Variants in ATP2C1 observed in about 807,000 individuals in gnomAD.
ATP2C1 encodes the protein ATPase secretory pathway Ca2+ transporting 1, also known as calcium-transporting ATPase type 2C member 1.
In ATP2C1, 31 loss-of-function variants were observed where a neutral mutation model predicts 120.5. That is an observed-to-expected ratio of 0.26 (90% CI 0.19 to 0.35). ATP2C1 has a LOEUF of 0.35. Ranked by LOEUF, ATP2C1 falls within the 10% of genes least tolerant of loss-of-function variation. The pLI, the probability that ATP2C1 is intolerant of heterozygous loss-of-function variation, is 1.00. For synonymous variants in ATP2C1, 351 were observed against 358.7 expected (o/e 0.98, Z 0.24); for missense variants, 731 against 1,107.5 (o/e 0.66, Z 4.83).
intron 26 of ATP2C1, chr3:131,014,049 A>G: frequency 1.3e-6 from 2 of 1,542,700 alleles, no homozygotes; most frequent in Non-Finnish European, 1.8e-6. Flanking sequence ...TTTGATGCAA[A>G]CTGAGTTTTA....
intron 4 of ATP2C1, among the ~76,000 whole-genome samples, chr3:130,934,290 T>G (rs2059572987): frequency 6.6e-6 from 1 of 152,210 alleles, no homozygotes; most frequent in Non-Finnish European, 1.5e-5. Flanking sequence ...CATCTTCTCC[T>G]GCTTTTTCTA....
At chr3:130,890,230 T>C (rs542197970), upstream of ATP2C1, among the ~76,000 whole-genome samples, 3 of 152,354 alleles carry the variant, frequency 2.0e-5, no homozygotes, top group African/African-American at 7.2e-5. Flanking sequence ...GTAGTTTATA[T>C]AATTTGGAAT....
rs2069030584 is a variant in ATP2C1 at position 130,887,881 on chromosome 3, C to T, written c.108+36953C>T. Among the ~76,000 whole-genome samples, 3 of 152,144 alleles carry T rather than the reference C, an allele frequency of 2.0e-5. No homozygotes were observed. The South Asian group carries it at 6.2e-4, about 31-fold the overall frequency. ...TAAGTCCTCTTTACTTTCCCCTCTG[C>T]TTTTCTCTAGCAAGAGGAGTCTCTC... On this transcript the variant is annotated intron_variant, in intron 1 of 26. Coordinates refer to the ATP2C1 transcript ENST00000504381.
chr3:130,898,857 C>T (rs1220975631), intron 2 of ATP2C1, among the ~76,000 whole-genome samples: 1 of 152,162 alleles, frequency 6.6e-6, no homozygotes, highest in Non-Finnish European at 1.5e-5. Flanking sequence ...GTGCCAGGAA[C>T]ACTGTGGCTT....
intron 6 of ATP2C1, among the ~76,000 whole-genome samples, chr3:130,940,374 A>C (rs1002212276): frequency 6.6e-6 from 1 of 152,184 alleles, no homozygotes; most frequent in African/African-American, 2.4e-5. Context: ...GTCAGTTTTC[A>C]TTTTTATTCT....
chr3:130,996,610 A>G, intron 23 of ATP2C1, 70 bp from the exon 24 acceptor site: 1 of 1,040,446 alleles, frequency 9.6e-7, no homozygotes, highest in Non-Finnish European at 1.5e-6. Context: ...TTTAAATGCT[A>G]AAAAAGTGGT....
At chr3:130,877,317 T>A (rs956021418) in intron 1 of ATP2C1, among the ~76,000 whole-genome samples, 2 of 152,156 alleles carry the variant, frequency 1.3e-5, no homozygotes, top group African/African-American at 4.8e-5. Flanking sequence ...GGATTTAAAA[T>A]GTTTAAAAGA....
chr3:130,854,753 C>T (rs1290961699), intron 1 of ATP2C1, among the ~76,000 whole-genome samples: 2 of 152,224 alleles, frequency 1.3e-5, no homozygotes, highest in Non-Finnish European at 2.9e-5. Context: ...GACAGTTTGT[C>T]AGCTCATGTG....
intron 2 of ATP2C1, 31 bp from the exon 3 acceptor site, chr3:130,930,385 C>G: frequency 7.3e-7 from 1 of 1,370,738 alleles, no homozygotes; most frequent in Non-Finnish European, 1.0e-6. Context: ...TTGCTATATT[C>G]AAATATTTTT....
At chr3:130,859,624 G>A (rs1353563912) in intron 1 of ATP2C1, among the ~76,000 whole-genome samples, 1 of 152,014 alleles carries the variant, frequency 6.6e-6, no homozygotes, top group African/African-American at 2.4e-5. Context: ...GTTTATTATG[G>A]TCCCTTCTGA....
At chr3:130,932,691 A>T (rs529846807) in intron 4 of ATP2C1, among the ~76,000 whole-genome samples, 1 of 152,126 alleles carries the variant, frequency 6.6e-6, no homozygotes. Flanking sequence ...TTTTATCTTG[A>T]TAACGATTGT....
At chr3:130,858,874 A>G (rs2067926757) in intron 1 of ATP2C1, among the ~76,000 whole-genome samples, 1 of 152,242 alleles carries the variant, frequency 6.6e-6, no homozygotes, top group Admixed American at 6.5e-5. Context: ...AAAGATAGGT[A>G]TGCATTTGGG....
At chr3:130,976,102 A>T (rs562280666) in intron 18 of ATP2C1, among the ~76,000 whole-genome samples, 1 of 152,252 alleles carries the variant, frequency 6.6e-6, no homozygotes, top group Non-Finnish European at 1.5e-5. Flanking sequence ...TGCAGAATAT[A>T]TGTAGTTATG....
intron 1 of ATP2C1, among the ~76,000 whole-genome samples, chr3:130,859,470 C>T (rs1342854319): frequency 6.6e-6 from 1 of 152,200 alleles, no homozygotes; most frequent in Non-Finnish European, 1.5e-5. Context: ...GCTAAATATA[C>T]ATAGCAGTCA....
At position 130,915,116 on chromosome 3, in the gene ATP2C1, C is replaced by T. The variant is rs574467216; in HGVS notation, c.7-15300C>T. On this transcript the variant is annotated intron_variant, in intron 2 of 27. Coordinates refer to ENST00000510168, the MANE Select transcript of ATP2C1 (RefSeq NM_001378687.1). ...TTTTTTTTTTTTCCCCCCCTTGAGA[C>T]GATGTTTCACTCTGTTGCCCAGGCT... is the stretch of plus-strand genomic sequence containing the variant. Among the ~76,000 whole-genome samples the T allele has an allele frequency of 2.6e-4, 39 of 150,880 alleles. No homozygotes were observed. In the South Asian group the frequency reaches 4.6e-3, roughly 18 times the overall value.
rs934951864 is a variant in ATP2C1 at position 130,909,684 on chromosome 3, T to C, written c.6+14909T>C. On this transcript the variant is annotated intron_variant, in intron 2 of 27. Transcript: ENST00000510168. ...AAGCTATCTTTCTCATAATGCAGTT[T>C]AGGATAATGTTTACCTTTTTAGCAA... is the stretch of plus-strand genomic sequence containing the variant. Among the ~76,000 whole-genome samples the C allele has an allele frequency of 9.2e-5, 14 of 152,274 alleles. 1 individual carries two copies. Among genetic ancestry groups the C allele is most frequent in the Admixed American group, 7.2e-4 (11 of 15,290 alleles).
intron 2 of ATP2C1, among the ~76,000 whole-genome samples, chr3:130,910,137 T>C (rs916049018): frequency 6.6e-6 from 1 of 152,208 alleles, no homozygotes; most frequent in Non-Finnish European, 1.5e-5. Context: ...TTTTGGTTTG[T>C]AGTTCTCCTT....
chr3:130,926,574 A>G lies in ATP2C1; in HGVS notation c.7-3842A>G, dbSNP rs3773796. On this transcript the variant is annotated intron_variant, in intron 2 of 27. Transcript: ENST00000510168. ...GACAAAACTAGCACTGCTGTATGGT[A>G]ATAACTACCAGTATACTGCTTTGTC... Among the ~76,000 whole-genome samples the G allele has an allele frequency of 0.012, 1,771 of 152,344 alleles. 137 individuals carry two copies. In the East Asian group the frequency reaches 0.21, roughly 18 times the overall value.
chr3:130,966,684 G>A (rs1420075883), intron 14 of ATP2C1, among the ~76,000 whole-genome samples: 1 of 152,148 alleles, frequency 6.6e-6, no homozygotes, highest in Non-Finnish European at 1.5e-5. Flanking sequence ...AATATGCTGT[G>A]TTAAAGTGAT....
Sources: allele counts gnomAD v4.1 joint callset (sites outside exome capture counted in the v4.1 genomes callset), GRCh38; gene constraint gnomAD v4.1.1; transcripts MANE v1.5; gene names NCBI Gene and HGNC (gene_info 2026-07-23, HGNC 2026-07-21).